RNF185: variants seen among roughly 807,000 people sequenced by gnomAD.
The protein encoded by RNF185 is ring finger protein 185.
Under a neutral mutation model 24.9 loss-of-function variants are expected in RNF185, and 13 were observed. The ratio of observed to expected loss-of-function variants is 0.52; its 90% confidence interval spans 0.34 to 0.83. The LOEUF (loss-of-function observed/expected upper bound fraction) is 0.83, where lower values mean the gene tolerates loss of function less well. RNF185 is among the 40% of genes least tolerant of loss of function. The probability of loss-of-function intolerance (pLI) is 0.01; values close to 1 mark genes in which losing one functional copy is unlikely to be tolerated. For synonymous variants in RNF185, 79 were observed against 90.3 expected, an observed-to-expected ratio of 0.88 and a Z score of 0.71; for missense variants, 184 against 244.7, an observed-to-expected ratio of 0.75 and a Z score of 1.65.
chr22:31,201,709 T>TTG (rs1479889774), intron 6 of RNF185, 94 bp downstream of exon 6: 1 of 847,648 alleles, frequency 1.2e-6, no homozygotes, highest in Non-Finnish European at 2.0e-6. Context: ...TTACAGATAA[T>TTG]TGTCACTACA....
chr22:31,194,319 C>A (rs1426017169), intron 3 of RNF185, among the ~76,000 whole-genome samples: 1 of 152,142 alleles, frequency 6.6e-6, no homozygotes, highest in Non-Finnish European at 1.5e-5. Flanking sequence ...AAGCATTAAG[C>A]AAATTTAGAT....
intron 1 of RNF185, among the ~76,000 whole-genome samples, chr22:31,184,158 G>C (rs1166206111): frequency 2.0e-5 from 3 of 152,070 alleles, no homozygotes; most frequent in Non-Finnish European, 2.9e-5. Flanking sequence ...TCACTTCCCG[G>C]ACGGGGCGGC....
chr22:31,162,398 T>C (rs1186863168), intron 1 of RNF185, among the ~76,000 whole-genome samples: 1 of 152,196 alleles, frequency 6.6e-6, no homozygotes, highest in African/African-American at 2.4e-5. Flanking sequence ...GACATTCTCA[T>C]AAGTATGTTC....
intron 5 of RNF185, among the ~76,000 whole-genome samples, chr22:31,199,093 C>CCG (rs2048237103): frequency 2.7e-5 from 2 of 74,478 alleles, no homozygotes; most frequent in Non-Finnish European, 4.8e-5. Flanking sequence ...GAGCAAGACT[C>CCG]TGTCTCAAAA....
At chr22:31,163,417 T>A (rs1160683553) in intron 1 of RNF185, among the ~76,000 whole-genome samples, 4 of 151,576 alleles carry the variant, frequency 2.6e-5, no homozygotes, top group Non-Finnish European at 5.9e-5. Flanking sequence ...AGCCTTGACC[T>A]CCTGGGCTGA....
At chr22:31,200,423 A>G (rs2048249965) in intron 5 of RNF185, among the ~76,000 whole-genome samples, 1 of 152,238 alleles carries the variant, frequency 6.6e-6, no homozygotes, top group Admixed American at 6.5e-5. Context: ...TTAGATCTAA[A>G]CTGTACTCCT....
chr22:31,192,941 A>AT (rs2048169658), intron 3 of RNF185, among the ~76,000 whole-genome samples: 1 of 152,160 alleles, frequency 6.6e-6, no homozygotes, highest in African/African-American at 2.4e-5. Context: ...TATAAATTGG[A>AT]TTGGATTGAT....
chr22:31,169,455 T>C (rs1057108380), intron 1 of RNF185, among the ~76,000 whole-genome samples: 2 of 152,342 alleles, frequency 1.3e-5, no homozygotes, highest in African/African-American at 4.8e-5. Flanking sequence ...GCCAGAAATA[T>C]AGTTTTTAAA....
chr22:31,171,958 A>T (rs1602793894), intron 1 of RNF185, among the ~76,000 whole-genome samples: 1 of 152,066 alleles, frequency 6.6e-6, no homozygotes, highest in East Asian at 1.9e-4. Context: ...ACAAGAACGA[A>T]ACTCCATCTC....
At chr22:31,200,377 G>C (rs750179211) in intron 5 of RNF185, among the ~76,000 whole-genome samples, 1 of 152,038 alleles carries the variant, frequency 6.6e-6, no homozygotes, top group Non-Finnish European at 1.5e-5. Flanking sequence ...AAAAGAAAAA[G>C]AAAAGCATGT....
chr22:31,161,866 C>T (rs1923594776), intron 1 of RNF185, among the ~76,000 whole-genome samples: 1 of 145,372 alleles, frequency 6.9e-6, no homozygotes, highest in Admixed American at 7.2e-5. Flanking sequence ...ACACACATGA[C>T]AAGTTCCAGC....
intron 2 of RNF185, among the ~76,000 whole-genome samples, chr22:31,192,275 T>C (rs1379519453): frequency 3.3e-5 from 5 of 152,176 alleles, no homozygotes; most frequent in Admixed American, 3.3e-4. Context: ...GTGTAGTACA[T>C]GTGTATGTGA....
intron 1 of RNF185, among the ~76,000 whole-genome samples, chr22:31,178,395 G>A (rs1438045756): frequency 6.6e-6 from 1 of 152,050 alleles, no homozygotes; most frequent in African/African-American, 2.4e-5. Flanking sequence ...TCTAGAGCTG[G>A]GTTTCCAAAA....
intron 3 of RNF185, among the ~76,000 whole-genome samples, chr22:31,193,662 T>G (rs1454912481): frequency 6.6e-6 from 1 of 151,686 alleles, no homozygotes; most frequent in African/African-American, 2.4e-5. Flanking sequence ...GGCGTGGTGG[T>G]GCACGCCTAT....
chr22:31,162,473 A>G (rs1003109175), intron 1 of RNF185, among the ~76,000 whole-genome samples: 1 of 152,202 alleles, frequency 6.6e-6, no homozygotes, highest in Non-Finnish European at 1.5e-5. Flanking sequence ...TAAGTTTGAG[A>G]AAGCCACATA....
chr22:31,177,865 T>C (rs183171723), intron 1 of RNF185, among the ~76,000 whole-genome samples: 20 of 152,350 alleles, frequency 1.3e-4, no homozygotes, highest in Admixed American at 1.0e-3. Flanking sequence ...TCTCTAGAAC[T>C]TGATAATTGA....
intron 1 of RNF185, among the ~76,000 whole-genome samples, chr22:31,170,293 A>T (rs541265458): frequency 5.3e-5 from 8 of 151,962 alleles, no homozygotes; most frequent in Non-Finnish European, 8.8e-5. Context: ...GGTTCATGCC[A>T]TTCTCCTGCC....
At chr22:31,201,874 G>A (rs2048266093) in intron 6 of RNF185, among the ~76,000 whole-genome samples, 1 of 152,124 alleles carries the variant, frequency 6.6e-6, no homozygotes, top group South Asian at 2.1e-4. Flanking sequence ...TATGGAACAG[G>A]TGTGTGATTA....
At chr22:31,184,936 G>A (rs1388396288) in intron 1 of RNF185, among the ~76,000 whole-genome samples, 1 of 148,128 alleles carries the variant, frequency 6.8e-6, no homozygotes, top group Admixed American at 6.8e-5. Flanking sequence ...GCAAAGGGGA[G>A]AGGGAGGGGG....
Sources: allele counts gnomAD v4.1 joint callset (sites outside exome capture counted in the v4.1 genomes callset), GRCh38; gene constraint gnomAD v4.1.1; transcripts MANE v1.5; gene names NCBI Gene and HGNC (gene_info 2026-07-23, HGNC 2026-07-21).